The following CTDSPL variants were observed in gnomAD, a reference collection of about 807,000 sequenced individuals.
CTDSPL encodes the protein CTD small phosphatase like.
CTDSPL carries 8 observed loss-of-function variants against 30.5 expected under a neutral mutation model. The observed-to-expected ratio is 0.26, with a 90% CI of 0.15 to 0.47. CTDSPL has a LOEUF of 0.47. Ranked by LOEUF, CTDSPL falls within the 20% of genes least tolerant of loss-of-function variation. The probability of loss-of-function intolerance (pLI) is 0.99; values close to 1 mark genes in which losing one functional copy is unlikely to be tolerated. For missense variants in CTDSPL, 248 were observed against 366.1 expected (o/e 0.68, Z 2.63); for synonymous variants, 110 against 137.9 (o/e 0.80, Z 1.42).
chr3:37,884,737 A>C (rs1020143235), intron 1 of CTDSPL, among the ~76,000 whole-genome samples: 1 of 152,182 alleles, frequency 6.6e-6, no homozygotes, highest in African/African-American at 2.4e-5. Context: ...ATTTCTTTCC[A>C]GAAAGGAGGA....
chr3:37,897,215 G>A (rs1410448164), intron 1 of CTDSPL, among the ~76,000 whole-genome samples: 1 of 152,074 alleles, frequency 6.6e-6, no homozygotes, highest in Non-Finnish European at 1.5e-5. Context: ...TGGTGATGTT[G>A]TTTTTCACAG....
intron 1 of CTDSPL, among the ~76,000 whole-genome samples, chr3:37,870,654 A>T (rs1195259205): frequency 6.6e-6 from 1 of 152,080 alleles, no homozygotes. Flanking sequence ...ACTTAGATGA[A>T]TGATTTGAGG....
At chr3:37,962,355 C>T (rs1699253456) in intron 3 of CTDSPL, among the ~76,000 whole-genome samples, 2 of 152,220 alleles carry the variant, frequency 1.3e-5, no homozygotes, top group Non-Finnish European at 2.9e-5. Context: ...TTAATGGAAC[C>T]TCCTAGCCTG....
intron 1 of CTDSPL, among the ~76,000 whole-genome samples, chr3:37,913,074 G>A (rs909203354): frequency 1.7e-4 from 26 of 152,090 alleles, no homozygotes; most frequent in African/African-American, 5.6e-4. Flanking sequence ...TAATTCCAGC[G>A]CTTTGGGAGG....
chr3:37,888,862 A>G (rs971820107), intron 1 of CTDSPL, among the ~76,000 whole-genome samples: 3 of 152,208 alleles, frequency 2.0e-5, no homozygotes, highest in African/African-American at 7.2e-5. Context: ...GGGCACTGCC[A>G]CCAGCCAGGG....
At chr3:37,890,062 A>G (rs1195000197) in intron 1 of CTDSPL, among the ~76,000 whole-genome samples, 2 of 152,228 alleles carry the variant, frequency 1.3e-5, no homozygotes, top group South Asian at 4.1e-4. Context: ...GAGCCAGAAA[A>G]CCAACACAGG....
chr3:37,942,849 A>G (rs1698993443), intron 1 of CTDSPL, among the ~76,000 whole-genome samples: 1 of 150,284 alleles, frequency 6.7e-6, no homozygotes, highest in African/African-American at 2.4e-5. Flanking sequence ...GCAAGTTGGC[A>G]TTGGAGCCCA....
intron 1 of CTDSPL, among the ~76,000 whole-genome samples, chr3:37,945,970 AT>A (rs1250327119): frequency 1.3e-5 from 2 of 152,234 alleles, no homozygotes; most frequent in Non-Finnish European, 2.9e-5. Flanking sequence ...AAAAAGAGGA[AT>A]TGTGCCAGAA....
intron 1 of CTDSPL, among the ~76,000 whole-genome samples, chr3:37,913,340 G>A (rs1486609058): frequency 6.6e-6 from 1 of 152,044 alleles, no homozygotes; most frequent in Non-Finnish European, 1.5e-5. Context: ...AAGAAAAACA[G>A]TATTTTAAAA....
intron 3 of CTDSPL, 74 bp from the exon 4 acceptor site, chr3:37,964,497 G>T: frequency 3.1e-6 from 3 of 966,062 alleles, no homozygotes; most frequent in Non-Finnish European, 4.9e-6. Context: ...TTAAATGTTT[G>T]AAAGTAGTAT....
chr3:37,883,451 C>T (rs1426592639), intron 1 of CTDSPL, among the ~76,000 whole-genome samples: 2 of 152,210 alleles, frequency 1.3e-5, no homozygotes, highest in African/African-American at 4.8e-5. Context: ...TGACCTCTAA[C>T]TAAAACATGG....
At chr3:37,979,076 G>A (rs140976132) in intron 7 of CTDSPL, among the ~76,000 whole-genome samples, 191 of 152,024 alleles carry the variant, frequency 1.3e-3, no homozygotes, top group Non-Finnish European at 2.3e-3. Flanking sequence ...AATTTCAGTA[G>A]CGGTACTAAA....
chr3:37,871,000 G>A (rs988672949), intron 1 of CTDSPL, among the ~76,000 whole-genome samples: 12 of 151,976 alleles, frequency 7.9e-5, no homozygotes, highest in African/African-American at 2.9e-4. Flanking sequence ...TTCACTCCTG[G>A]GGTTTTATAT....
chr3:37,911,690 G>A, intron 1 of CTDSPL: 1 of 456,574 alleles, frequency 2.2e-6, no homozygotes, highest in South Asian at 1.5e-5. Flanking sequence ...TTCTGAGAAG[G>A]GCAAGAAGAC....
At chr3:37,863,508 A>AGCTT (rs1484878896) in intron 1 of CTDSPL, among the ~76,000 whole-genome samples, 1 of 152,206 alleles carries the variant, frequency 6.6e-6, no homozygotes, top group Non-Finnish European at 1.5e-5. Context: ...TGGTGACTAA[A>AGCTT]GCTTGCCTCA....
chr3:37,916,661 C>T (rs1021020159), intron 1 of CTDSPL, among the ~76,000 whole-genome samples: 5 of 152,268 alleles, frequency 3.3e-5, no homozygotes, highest in African/African-American at 9.6e-5. Flanking sequence ...GCATGGCCCT[C>T]CTGACAGCTT....
intron 7 of CTDSPL, among the ~76,000 whole-genome samples, chr3:37,977,781 C>A (rs1699446502): frequency 6.6e-6 from 1 of 151,728 alleles, no homozygotes; most frequent in Admixed American, 6.6e-5. Flanking sequence ...ACTGTCGTTC[C>A]AGCTACTTGG....
At chr3:37,905,533 G>A (rs1698504841) in intron 1 of CTDSPL, among the ~76,000 whole-genome samples, 1 of 152,224 alleles carries the variant, frequency 6.6e-6, no homozygotes, top group African/African-American at 2.4e-5. Flanking sequence ...TAGGCTGGGA[G>A]AATACTCTGT....
intron 1 of CTDSPL, among the ~76,000 whole-genome samples, chr3:37,902,872 C>T (rs1698467703): frequency 6.6e-6 from 1 of 152,244 alleles, no homozygotes; most frequent in Non-Finnish European, 1.5e-5. Context: ...CTGGATCCCA[C>T]ATCCTCTCCA....
Sources: allele counts gnomAD v4.1 joint callset (sites outside exome capture counted in the v4.1 genomes callset), GRCh38; gene constraint gnomAD v4.1.1; transcripts MANE v1.5; gene names NCBI Gene and HGNC (gene_info 2026-07-23, HGNC 2026-07-21).